The following NTM variants were observed in gnomAD, a reference collection of about 807,000 sequenced individuals.
NTM encodes IgLON family member 2.
A neutral mutation model predicts 42.1 loss-of-function variants in NTM; 13 were observed. The ratio of observed to expected loss-of-function variants is 0.31; its 90% CI spans 0.20 to 0.49. The LOEUF (loss-of-function observed/expected upper bound fraction) is 0.49. NTM is among the 20% of genes least tolerant of loss of function. NTM has a pLI of 0.99. For missense variants in NTM, 373 were observed against 452.8 expected, an observed-to-expected ratio of 0.82 and a Z score of 1.60; for synonymous variants, 187 against 179.2, an observed-to-expected ratio of 1.04 and a Z score of -0.35.
rs532833356 is a variant in NTM at position 132,081,661 on chromosome 11, G to A, written c.168-64621G>A. ...GCAGGAGAATGGCGTGAACCCGGGA[G>A]GTGGAGCTTGCAGTGAGCCGAGATT... On this transcript the variant is annotated intron_variant, in intron 2 of 8. Transcript: ENST00000683400. 5.9e-5 allele frequency among the ~76,000 whole-genome samples: 9 copies of A among 151,882 alleles called. No individual in the cohort carries two copies. The East Asian group carries it at 1.7e-3, about 30-fold the overall frequency.
chr11:131,765,200 C>T (rs899277897), intron 1 of NTM, among the ~76,000 whole-genome samples: 58 of 152,296 alleles, frequency 3.8e-4, no homozygotes, highest in African/African-American at 8.9e-4. Context: ...GCAGCCAGCC[C>T]GATCACCTTA....
intron 1 of NTM, among the ~76,000 whole-genome samples, chr11:131,495,557 T>G (rs1216314055): frequency 6.6e-6 from 1 of 152,184 alleles, no homozygotes; most frequent in Non-Finnish European, 1.5e-5. Flanking sequence ...GCTGGGCCAG[T>G]GTGGTCGATA....
intron 1 of NTM, among the ~76,000 whole-genome samples, chr11:131,803,641 G>T (rs1490601955): frequency 6.6e-6 from 1 of 152,128 alleles, no homozygotes; most frequent in Non-Finnish European, 1.5e-5. Context: ...AAATAAACTG[G>T]CTGAATCTCA....
intron 2 of NTM, among the ~76,000 whole-genome samples, chr11:132,063,273 A>G (rs1438575347): frequency 1.3e-5 from 2 of 151,820 alleles, no homozygotes; most frequent in African/African-American, 4.8e-5. Context: ...ATTAAATTTC[A>G]ATGCATGAAT....
At chr11:132,112,247 C>T (rs1359728579) in intron 2 of NTM, among the ~76,000 whole-genome samples, 1 of 148,562 alleles carries the variant, frequency 6.7e-6, no homozygotes, top group Non-Finnish European at 1.5e-5. Flanking sequence ...CACCATTTGT[C>T]CTGTCCACTA....
At chr11:131,945,348 T>C (rs2060231965) in intron 2 of NTM, among the ~76,000 whole-genome samples, 1 of 152,168 alleles carries the variant, frequency 6.6e-6, no homozygotes, top group African/African-American at 2.4e-5. Flanking sequence ...AGCGCTCTCA[T>C]ATCTGGGCAT....
At position 131,754,908 on chromosome 11, in the gene NTM, G is replaced by A. The variant is rs528498960; in HGVS notation, c.83-156656G>A. 2.7e-4 allele frequency among the ~76,000 whole-genome samples: 41 copies of A among 152,262 alleles called. No homozygotes were observed. The East Asian group carries it at 3.9e-3, about 14-fold the overall frequency. On this transcript the variant is annotated intron_variant, in intron 1 of 8. Coordinates refer to ENST00000683400, the MANE Select transcript of NTM (RefSeq NM_001352005.2). ...AATGTAGATGAACTCACACCATCAC[G>A]ATGAGAGGAAAAGGCCAGATCCAGA...
chr11:132,109,567 C>A (rs371652131), intron 2 of NTM, among the ~76,000 whole-genome samples: 1 of 152,168 alleles, frequency 6.6e-6, no homozygotes, highest in African/African-American at 2.4e-5. Flanking sequence ...CTGCTTAGAA[C>A]CTTTCATACT....
chr11:131,869,917 C>T (rs1005919400), intron 1 of NTM, among the ~76,000 whole-genome samples: 3 of 152,150 alleles, frequency 2.0e-5, no homozygotes, highest in Admixed American at 2.0e-4. Context: ...TTAAGTCAGC[C>T]GATATTTACT....
chr11:131,789,637 A>G lies in NTM; in HGVS notation c.83-121927A>G, dbSNP rs866224681. 2.2e-3 allele frequency among the ~76,000 whole-genome samples: 54 copies of G among 24,364 alleles called. 8 individuals carry two copies. The highest frequency in any genetic ancestry group is 2.7e-3 in the Admixed American group (5 of 1,860). 16.0% of individuals were successfully genotyped at this position (24,364 alleles called of 152,430 possible). ...AGAAGAAGAAGAAGAAGAAGAAGAA[A>G]AGAAGAAGAAGAAGAAGAAGAAGAA... On this transcript the variant is annotated intron_variant, in intron 1 of 8. Transcript: ENST00000683400.
chr11:131,578,837 G>A (rs1122337), intron 1 of NTM, among the ~76,000 whole-genome samples: 99,263 of 151,870 alleles, frequency 0.65, 33,888 homozygotes, highest in African/African-American at 0.86. Context: ...TTGAGGAGGA[G>A]GAATGAGATA....
At chr11:131,691,473 T>G (rs1408463306) in intron 1 of NTM, among the ~76,000 whole-genome samples, 1 of 152,120 alleles carries the variant, frequency 6.6e-6, no homozygotes, top group Non-Finnish European at 1.5e-5. Flanking sequence ...TGGGCAGGCG[T>G]GGACCCCACA....
chr11:131,547,951 AT>A (rs1415766072), intron 1 of NTM, among the ~76,000 whole-genome samples: 1 of 152,166 alleles, frequency 6.6e-6, no homozygotes, highest in African/African-American at 2.4e-5. Context: ...TCCGAATAAG[AT>A]TGCAAGCTTG....
intron 1 of NTM, among the ~76,000 whole-genome samples, chr11:131,685,822 A>T (rs1385277735): frequency 2.0e-5 from 3 of 152,210 alleles, no homozygotes; most frequent in African/African-American, 7.2e-5. Flanking sequence ...TTTTTCACCC[A>T]TAGTGTCTAG....
intron 1 of NTM, among the ~76,000 whole-genome samples, chr11:131,449,097 G>T (rs1179034153): frequency 6.6e-6 from 1 of 152,182 alleles, no homozygotes; most frequent in African/African-American, 2.4e-5. Flanking sequence ...AAGAAGGGAG[G>T]GTCTCTGGTG....
intron 1 of NTM, among the ~76,000 whole-genome samples, chr11:131,631,752 T>C (rs1420528697): frequency 6.6e-6 from 1 of 152,230 alleles, no homozygotes; most frequent in African/African-American, 2.4e-5. Context: ...GATTGGCGCA[T>C]GCATTCTTGT....
At chr11:131,397,382 C>T (rs1944679025) in intron 1 of NTM, among the ~76,000 whole-genome samples, 2 of 151,980 alleles carry the variant, frequency 1.3e-5, no homozygotes, top group African/African-American at 4.8e-5. Context: ...ATAGCTTAAC[C>T]TCATTTTATA....
At chr11:131,890,334 A>G (rs976575820) in intron 1 of NTM, among the ~76,000 whole-genome samples, 5 of 152,168 alleles carry the variant, frequency 3.3e-5, no homozygotes, top group Non-Finnish European at 7.3e-5. Context: ...TCAGGCTGTG[A>G]GGTTCCTTAA....
chr11:131,987,429 CTATTT>C (rs2066260250), intron 2 of NTM, among the ~76,000 whole-genome samples: 2 of 139,688 alleles, frequency 1.4e-5, no homozygotes, highest in South Asian at 2.2e-4. Context: ...CTATTCTATT[CTATTT>C]TCATTCCAGC....
Sources: gnomAD v4.1 joint callset for allele counts (sites outside exome capture counted in the v4.1 genomes callset) on GRCh38, gnomAD v4.1.1 for gene constraint, MANE v1.5 for transcripts, NCBI Gene and HGNC (gene_info 2026-07-23, HGNC 2026-07-21) for gene names.